Variants in CPA6 observed in about 807,000 individuals in gnomAD.
CPA6 encodes the protein carboxypeptidase B.
CPA6 carries 58 observed loss-of-function variants against 63.3 expected under a neutral mutation model. The ratio of observed to expected loss-of-function variants is 0.92; its 90% CI spans 0.74 to 1.14. The LOEUF is 1.14. Ranked by LOEUF, CPA6 falls within the 50% of genes most tolerant of loss-of-function variation. The pLI is 0.00. For missense variants in CPA6, 565 were observed against 526.6 expected, an observed-to-expected ratio of 1.07 and a Z score of -0.71; for synonymous variants, 185 against 179.0, an observed-to-expected ratio of 1.03 and a Z score of -0.27.
intron 9 of CPA6, among the ~76,000 whole-genome samples, chr8:67,430,121 GTATA>G (rs1463337539): frequency 7.6e-6 from 1 of 132,098 alleles, no homozygotes; most frequent in Non-Finnish European, 1.6e-5. Flanking sequence ...TAAGTAAATG[GTATA>G]TATATATGTG....
intron 9 of CPA6, among the ~76,000 whole-genome samples, chr8:67,432,315 AGCAGG>A (rs1810045250): frequency 6.6e-6 from 1 of 152,206 alleles, no homozygotes; most frequent in Non-Finnish European, 1.5e-5. Context: ...ACCCCTAAAC[AGCAGG>A]GTTTGGAGAG....
At chr8:67,606,891 G>A (rs1031448637) in intron 2 of CPA6, among the ~76,000 whole-genome samples, 1 of 152,096 alleles carries the variant, frequency 6.6e-6, no homozygotes, top group African/African-American at 2.4e-5. Flanking sequence ...CAGGTTTGAG[G>A]TCCTGATAGT....
At chr8:67,721,902 G>A (rs1817508209) in intron 1 of CPA6, among the ~76,000 whole-genome samples, 1 of 152,206 alleles carries the variant, frequency 6.6e-6, no homozygotes, top group South Asian at 2.1e-4. Context: ...AACTAGAGAT[G>A]TAAATGGACT....
At chr8:67,611,424 G>T (rs1260678003) in intron 2 of CPA6, among the ~76,000 whole-genome samples, 1 of 152,068 alleles carries the variant, frequency 6.6e-6, no homozygotes, top group African/African-American at 2.4e-5. Context: ...ACTTTAGATG[G>T]TAGGGTTAGG....
chr8:67,503,488 T>G (rs1183069137), intron 6 of CPA6, among the ~76,000 whole-genome samples: 2 of 126,710 alleles, frequency 1.6e-5, no homozygotes, highest in Non-Finnish European at 3.3e-5. Flanking sequence ...TTTTTTTTTT[T>G]GTAGAGACAG....
At chr8:67,734,497 ATGACT>A (rs200610819) in intron 1 of CPA6, among the ~76,000 whole-genome samples, 3,142 of 151,826 alleles carry the variant, frequency 0.021, 118 homozygotes, top group African/African-American at 0.073. Flanking sequence ...TTACATTAAA[ATGACT>A]TACATTTTCC....
intron 1 of CPA6, among the ~76,000 whole-genome samples, chr8:67,692,635 G>T (rs1018953460): frequency 6.6e-6 from 1 of 152,110 alleles, no homozygotes; most frequent in Non-Finnish European, 1.5e-5. Context: ...TCAAAAGTGT[G>T]CAGGATAAAC....
intron 1 of CPA6, among the ~76,000 whole-genome samples, chr8:67,688,313 A>C (rs1238403885): frequency 6.6e-6 from 1 of 152,226 alleles, no homozygotes; most frequent in Non-Finnish European, 1.5e-5. Context: ...GACAGATGAG[A>C]TGCAGGATGA....
chr8:67,615,395 T>C (rs749763599), intron 2 of CPA6, among the ~76,000 whole-genome samples: 1 of 152,188 alleles, frequency 6.6e-6, no homozygotes, highest in African/African-American at 2.4e-5. Flanking sequence ...TTGGATCACA[T>C]GTTAATGTCC....
chr8:67,712,016 C>G (rs1032100630), intron 1 of CPA6, among the ~76,000 whole-genome samples: 4 of 152,176 alleles, frequency 2.6e-5, no homozygotes, highest in African/African-American at 9.7e-5. Flanking sequence ...TATCTGCCCC[C>G]TCCCGCTATC....
At position 67,509,547 on chromosome 8, in the gene CPA6, T is replaced by C. The variant is rs1409226759; in HGVS notation, c.504A>G (p.Ser168=). ...GLIHMFSIGR[S]YEGRSLFILK... ...AAATAAAAAGAGATCTTCCCTCATATGATCTTCCAATAGAGAACATGTGAA... is the reference window on the plus strand; with the variant it reads ...AAATAAAAAGAGATCTTCCCTCATACGATCTTCCAATAGAGAACATGTGAA... The change falls in exon 5 of 11, where the codon TCA becomes TCG. Residue 168 remains serine (S), a synonymous_variant. Coordinates refer to ENST00000297770, the MANE Select transcript of CPA6 (RefSeq NM_020361.5). The C allele has an allele frequency of 6.9e-6, 11 of 1,584,590 alleles. No individual in the cohort carries two copies. The highest frequency in any genetic ancestry group is 5.7e-5 in the South Asian group (5 of 88,214).
chr8:67,535,035 A>G (rs139446261), intron 2 of CPA6, among the ~76,000 whole-genome samples: 208 of 152,314 alleles, frequency 1.4e-3, no homozygotes, highest in African/African-American at 4.7e-3. Context: ...TGCAAAGGAC[A>G]TGAAATCATT....
At chr8:67,584,176 CA>C (rs61511990) in intron 2 of CPA6, among the ~76,000 whole-genome samples, 1 of 151,910 alleles carries the variant, frequency 6.6e-6, no homozygotes, top group Non-Finnish European at 1.5e-5. Context: ...AAGAAAAAAA[CA>C]AACAAAAAAA....
chr8:67,537,002 G>A (rs1017911307), intron 2 of CPA6, among the ~76,000 whole-genome samples: 5 of 152,146 alleles, frequency 3.3e-5, no homozygotes, highest in Admixed American at 2.0e-4. Flanking sequence ...TACATTTGTT[G>A]ATTTGTGTAT....
At chr8:67,569,000 C>T (rs1813415702) in intron 2 of CPA6, among the ~76,000 whole-genome samples, 1 of 152,194 alleles carries the variant, frequency 6.6e-6, no homozygotes, top group African/African-American at 2.4e-5. Context: ...ATCCACCCAC[C>T]TTGGCCTCCC....
chr8:67,741,778 G>A (rs1753958720), intron 1 of CPA6, among the ~76,000 whole-genome samples: 1 of 151,960 alleles, frequency 6.6e-6, no homozygotes, highest in Admixed American at 6.6e-5. Flanking sequence ...CTGATTCTTT[G>A]TTATGGTGAG....
chr8:67,600,234 G>A (rs1036951838), intron 2 of CPA6, among the ~76,000 whole-genome samples: 27 of 151,570 alleles, frequency 1.8e-4, no homozygotes, highest in African/African-American at 5.8e-4. Flanking sequence ...CCTGGAGGAC[G>A]TTATATTAAG....
At chr8:67,612,694 T>C (rs1305494791) in intron 2 of CPA6, among the ~76,000 whole-genome samples, 1 of 152,146 alleles carries the variant, frequency 6.6e-6, no homozygotes, top group Non-Finnish European at 1.5e-5. Context: ...GAAAACAAAA[T>C]GGTAGAAAAC....
intron 1 of CPA6, among the ~76,000 whole-genome samples, chr8:67,709,095 C>A: frequency 6.6e-6 from 1 of 152,236 alleles, no homozygotes; most frequent in Non-Finnish European, 1.5e-5. Context: ...GGTATATAAC[C>A]TTCCTCTAGG....
Sources: gnomAD v4.1 joint callset for allele counts (sites outside exome capture counted in the v4.1 genomes callset) on GRCh38, gnomAD v4.1.1 for gene constraint, MANE v1.5 for transcripts, NCBI Gene and HGNC (gene_info 2026-07-23, HGNC 2026-07-21) for gene names.